The following OLR1 variants were observed in gnomAD, a reference collection of about 807,000 sequenced individuals.
OLR1 encodes the protein oxidized low density lipoprotein receptor 1.
In OLR1, 23 loss-of-function variants were observed where a neutral mutation model predicts 31.7. The ratio of observed to expected loss-of-function variants is 0.72; its 90% CI spans 0.52 to 1.03. The LOEUF (loss-of-function observed/expected upper bound fraction) is 1.03. OLR1 is among the 50% of genes least tolerant of loss of function. The pLI, the probability that OLR1 is intolerant of heterozygous loss-of-function variation, is 0.00. For synonymous variants in OLR1, 117 were observed against 115.8 expected (o/e 1.01, Z -0.07); for missense variants, 286 against 315.7 (o/e 0.91, Z 0.71).
chr12:10,171,412 C>T (rs1948715563), intron 1 of OLR1, among the ~76,000 whole-genome samples: 1 of 152,146 alleles, frequency 6.6e-6, no homozygotes. Flanking sequence ...ACAGAACTTA[C>T]AATTTTTCAA....
Position 10,160,882 on chromosome 12 carries a change from G to C in OLR1, c.468C>G (p.Tyr156Ter). The change falls in exon 4 of 6, where the codon TAC becomes TAG. Residue 156 changes from tyrosine to a stop codon, truncating the protein, a stop_gained. Transcript: ENST00000309539. LOFTEE classifies it high-confidence loss of function. ...AGTTAAATGAGCCCGAGGAAAATAG[G>C]TAACAGTTTTCTCCATGCCAGATCC... is the stretch of plus-strand genomic sequence containing the variant. ...QDWIWHGENC[Y>*]LFSSGSFNWE... 6.2e-7 allele frequency: 1 copy of C among 1,614,150 alleles called. No homozygotes were observed. Among genetic ancestry groups the C allele is most frequent in the Non-Finnish European group, 8.5e-7 (1 of 1,179,994 alleles).
intron 4 of OLR1, 130 bp from the exon 5 acceptor site, chr12:10,160,592 G>A (rs929375892): frequency 1.0e-5 from 10 of 978,250 alleles, no homozygotes; most frequent in Admixed American, 2.2e-5. Flanking sequence ...ACTGTTTTAC[G>A]GAAACACTTA....
intron 3 of OLR1, among the ~76,000 whole-genome samples, chr12:10,161,945 A>ATATAT: frequency 1.3e-5 from 1 of 79,562 alleles, no homozygotes; most frequent in Admixed American, 1.4e-4. Context: ...ATATATATAT[A>ATATAT]AAAAACACAT....
intron 4 of OLR1, 90 bp from the exon 5 acceptor site, chr12:10,160,552 G>A: frequency 6.4e-6 from 7 of 1,092,336 alleles, no homozygotes; most frequent in Admixed American, 2.2e-5. Flanking sequence ...CAAAACTAAA[G>A]AACCAAAAGG....
Position 10,159,796 on chromosome 12 carries a change from G to T in OLR1, c.*84C>A. 1 of 1,388,766 alleles carries T rather than the reference G, an allele frequency of 7.2e-7. No individual in the cohort carries two copies. Among genetic ancestry groups the T allele is most frequent in the Non-Finnish European group, 9.7e-7 (1 of 1,028,934 alleles). The allele number at this position is 1,388,766 out of a possible 1,614,324, so 86.0% of individuals were successfully genotyped here. ...AAATGACAGTTTTCTGGGCTCTCAT[G>T]TTTGGCACCCAAGTGACAAAGAATA... On this transcript the variant is annotated 3_prime_UTR_variant, in exon 6 of 6. Coordinates refer to ENST00000309539, the MANE Select transcript of OLR1 (RefSeq NM_002543.4).
upstream of OLR1, among the ~76,000 whole-genome samples, chr12:10,173,240 CT>C (rs1221413482): frequency 2.0e-5 from 3 of 152,022 alleles, no homozygotes; most frequent in Admixed American, 2.0e-4. Context: ...TTAGAGATGT[CT>C]TCTGAAGGAA....
At chr12:10,160,539 C>T (rs746494670) in intron 4 of OLR1, 77 bp from the exon 5 acceptor site, 227 of 1,175,828 alleles carry the variant, frequency 1.9e-4, no homozygotes, top group Admixed American at 3.0e-4. Context: ...AGTGTTGGAT[C>T]CACAAAACTA....
At chr12:10,174,258 T>C (rs1948750000), upstream of OLR1, among the ~76,000 whole-genome samples, 1 of 152,070 alleles carries the variant, frequency 6.6e-6, no homozygotes, top group African/African-American at 2.4e-5. Flanking sequence ...AGACAGGGTT[T>C]CACCATGTTG....
chr12:10,162,193 T>C (rs747622435), intron 3 of OLR1, among the ~76,000 whole-genome samples: 33 of 151,978 alleles, frequency 2.2e-4, no homozygotes, highest in South Asian at 4.1e-4. Context: ...ATCATCATCA[T>C]CTCTCCCATC....
chr12:10,166,100 A>C (rs1319500375), intron 3 of OLR1, among the ~76,000 whole-genome samples: 1 of 151,968 alleles, frequency 6.6e-6, no homozygotes, highest in African/African-American at 2.4e-5. Flanking sequence ...AATCCCAAGC[A>C]CTTTGGGAGG....
In OLR1 at chr12:10,160,060, CTT is replaced by C. The variant is rs1410043006; in HGVS notation, c.681-41_681-40del. 1.9e-6 allele frequency: 3 copies of C among 1,567,644 alleles called. No homozygotes were observed. In the African/African-American group the frequency reaches 4.1e-5, roughly 21 times the overall value. ...AAAACAAAACAAACCAACAAAAAAACTTAGGTTTACTGCCACCTTGTTTCAGA... is the reference window on the plus strand; with the variant it reads ...AAAACAAAACAAACCAACAAAAAAACAGGTTTACTGCCACCTTGTTTCAGA... On this transcript the variant is annotated intron_variant, in intron 5 of 5. Coordinates refer to ENST00000309539, the MANE Select transcript of OLR1 (RefSeq NM_002543.4).
intron 4 of OLR1, 139 bp from the exon 5 acceptor site, chr12:10,160,601 T>TA: frequency 1.0e-6 from 1 of 972,940 alleles, no homozygotes; most frequent in Non-Finnish European, 1.6e-6. Flanking sequence ...CGGAAACACT[T>TA]ACTGAAGGCT....
At chr12:10,160,565 T>A in intron 4 of OLR1, 103 bp from the exon 5 acceptor site, 1 of 1,016,366 alleles carries the variant, frequency 9.8e-7, no homozygotes, top group Non-Finnish European at 1.5e-6. Context: ...CCAAAAGGTA[T>A]CTTTGACATC....
chr12:10,164,513 T>G (rs371869644), intron 3 of OLR1, among the ~76,000 whole-genome samples: 1 of 152,236 alleles, frequency 6.6e-6, no homozygotes, highest in South Asian at 2.1e-4. Flanking sequence ...TGTGAACTAT[T>G]ATTATATGCT....
At chr12:10,170,383 A>G (rs1211642513) in intron 1 of OLR1, 2 of 152,200 alleles carry the variant, frequency 1.3e-5, no homozygotes, top group African/African-American at 4.8e-5. Context: ...TCTCTTGCAA[A>G]TAATTGCCTA....
chr12:10,169,825 A>G (rs1565422745), intron 1 of OLR1, among the ~76,000 whole-genome samples: 5 of 152,194 alleles, frequency 3.3e-5, no homozygotes, highest in Admixed American at 2.0e-4. Flanking sequence ...CACTCACGCC[A>G]AGTGTAGGCT....
chr12:10,164,889 C>G (rs924159793), intron 3 of OLR1, among the ~76,000 whole-genome samples: 2 of 152,180 alleles, frequency 1.3e-5, no homozygotes, highest in Admixed American at 1.3e-4. Flanking sequence ...TATAAATAGA[C>G]TTCTTGGACT....
chr12:10,174,458 A>G (rs1368290665), upstream of OLR1, among the ~76,000 whole-genome samples: 1 of 152,164 alleles, frequency 6.6e-6, no homozygotes, highest in Non-Finnish European at 1.5e-5. Flanking sequence ...ATTTCGCTGC[A>G]TAATGTAGGT....
intron 1 of OLR1, among the ~76,000 whole-genome samples, chr12:10,171,546 C>T (rs984080613): frequency 1.3e-5 from 2 of 152,162 alleles, no homozygotes; most frequent in South Asian, 2.1e-4. Flanking sequence ...CAGAAATTAT[C>T]GTTATATACA....
Sources: gnomAD v4.1 joint callset for allele counts (sites outside exome capture counted in the v4.1 genomes callset) on GRCh38, gnomAD v4.1.1 for gene constraint, MANE v1.5 for transcripts, NCBI Gene and HGNC (gene_info 2026-07-23, HGNC 2026-07-21) for gene names.